Variants in PTPRD observed in about 807,000 individuals in gnomAD.
PTPRD encodes receptor-type tyrosine-protein phosphatase delta.
PTPRD carries 34 observed loss-of-function variants against 214.5 expected under a neutral mutation model. The observed-to-expected ratio is 0.16, with a 90% CI of 0.12 to 0.21. The LOEUF (loss-of-function observed/expected upper bound fraction) is 0.21. PTPRD is among the 10% of genes least tolerant of loss of function. The pLI, the probability that PTPRD is intolerant of heterozygous loss-of-function variation, is 1.00. For synonymous variants in PTPRD, 1,128 were observed against 845.7 expected (o/e 1.33, Z -5.79); for missense variants, 2,545 against 2,398.7 (o/e 1.06, Z -1.27).
At chr9:8,917,082 T>A (rs958652021) in intron 11 of PTPRD, among the ~76,000 whole-genome samples, 1 of 151,098 alleles carries the variant, frequency 6.6e-6, no homozygotes, top group Non-Finnish European at 1.5e-5. Context: ...CAATCCCCAT[T>A]GTATAGGCAA....
At chr9:9,166,367 C>T (rs1007054805) in intron 10 of PTPRD, among the ~76,000 whole-genome samples, 3 of 152,152 alleles carry the variant, frequency 2.0e-5, no homozygotes, top group Non-Finnish European at 2.9e-5. Context: ...ACTCCTTCCA[C>T]TCCATCCACA....
chr9:9,027,495 T>C (rs1348641), intron 10 of PTPRD, among the ~76,000 whole-genome samples: 17,273 of 151,978 alleles, frequency 0.11, 1,245 homozygotes, highest in African/African-American at 0.2. Flanking sequence ...GATTTTAGCA[T>C]CAATATTATT....
intron 36 of PTPRD, among the ~76,000 whole-genome samples, chr9:8,400,053 C>G (rs899302114): frequency 6.6e-6 from 1 of 152,058 alleles, no homozygotes; most frequent in Non-Finnish European, 1.5e-5. Flanking sequence ...AATTGAAAAG[C>G]AGAATTTTAA....
intron 5 of PTPRD, among the ~76,000 whole-genome samples, chr9:9,844,583 CAT>C (rs1319125739): frequency 6.6e-6 from 1 of 151,844 alleles, no homozygotes; most frequent in African/African-American, 2.4e-5. Flanking sequence ...ATTGATATGA[CAT>C]ATTAATTAGA....
intron 12 of PTPRD, among the ~76,000 whole-genome samples, chr9:8,704,471 T>C (rs1053016466): frequency 6.6e-6 from 1 of 152,102 alleles, no homozygotes; most frequent in Non-Finnish European, 1.5e-5. Context: ...AATCAGAAAA[T>C]CTGAGTTTGA....
chr9:10,390,484 T>C (rs2098036276), intron 2 of PTPRD, among the ~76,000 whole-genome samples: 1 of 151,864 alleles, frequency 6.6e-6, no homozygotes, highest in Non-Finnish European at 1.5e-5. Flanking sequence ...GGCTTATTTC[T>C]GCCCACGAGT....
At chr9:8,496,205 C>CAA (rs61362649) in intron 26 of PTPRD, among the ~76,000 whole-genome samples, 2,008 of 126,398 alleles carry the variant, frequency 0.016, 46 homozygotes, top group African/African-American at 0.051. Context: ...CACACACACA[C>CAA]ACACAAACAC....
At chr9:8,343,417 A>G (rs1854417077) in intron 39 of PTPRD, among the ~76,000 whole-genome samples, 1 of 152,220 alleles carries the variant, frequency 6.6e-6, no homozygotes, top group Middle Eastern at 3.4e-3. Context: ...AGAGAGTCCT[A>G]CAAATGATAG....
intron 12 of PTPRD, among the ~76,000 whole-genome samples, chr9:8,696,029 G>A (rs1295056794): frequency 2.6e-5 from 4 of 152,180 alleles, no homozygotes; most frequent in African/African-American, 9.7e-5. Context: ...AGAAACTCCA[G>A]TATGACACCT....
At chr9:9,822,396 C>A (rs2051087271) in intron 5 of PTPRD, among the ~76,000 whole-genome samples, 1 of 149,546 alleles carries the variant, frequency 6.7e-6, no homozygotes, top group African/African-American at 2.4e-5. Context: ...GGTGACAGAG[C>A]AGGACTCCAT....
At chr9:8,639,225 T>C (rs1265953792) in intron 12 of PTPRD, among the ~76,000 whole-genome samples, 2 of 152,130 alleles carry the variant, frequency 1.3e-5, no homozygotes, top group Non-Finnish European at 2.9e-5. Flanking sequence ...AAATGAAAAA[T>C]ATATTACAAG....
intron 7 of PTPRD, among the ~76,000 whole-genome samples, chr9:9,627,747 G>T (rs913752188): frequency 6.6e-6 from 1 of 152,164 alleles, no homozygotes; most frequent in South Asian, 2.1e-4. Flanking sequence ...TTTGAGATCA[G>T]TTCTTCCCCA....
At chr9:8,925,652 A>G (rs1218972012) in intron 11 of PTPRD, among the ~76,000 whole-genome samples, 1 of 147,142 alleles carries the variant, frequency 6.8e-6, no homozygotes, top group Non-Finnish European at 1.5e-5. Flanking sequence ...TCAACGTGAT[A>G]TAAATAGTCT....
Position 8,722,827 on chromosome 9 carries a change from G to C in PTPRD, c.64+10953C>G, listed in dbSNP as rs528301690. 2.6e-5 allele frequency among the ~76,000 whole-genome samples: 4 copies of C among 152,280 alleles called. No homozygotes were observed. In the South Asian group the frequency reaches 8.3e-4, roughly 32 times the overall value. ...TAAAAGAAAAATAAAACTGACCAGA[G>C]ATAACGAGCTAAAAGCAGACATTTG... On this transcript the variant is annotated intron_variant, in intron 12 of 45. Transcript: ENST00000381196.
At chr9:10,307,497 A>G (rs2096118810) in intron 3 of PTPRD, among the ~76,000 whole-genome samples, 1 of 152,040 alleles carries the variant, frequency 6.6e-6, no homozygotes. Flanking sequence ...TAGCTTTACT[A>G]TTGTAAATAG....
At chr9:10,558,543 G>A in intron 2 of PTPRD, among the ~76,000 whole-genome samples, 1 of 152,056 alleles carries the variant, frequency 6.6e-6, no homozygotes, top group East Asian at 1.9e-4. Context: ...ACTTAGCCAT[G>A]TGGCCTTGGG....
At chr9:9,174,252 G>C (rs1310901260) in intron 10 of PTPRD, among the ~76,000 whole-genome samples, 1 of 151,908 alleles carries the variant, frequency 6.6e-6, no homozygotes, top group African/African-American at 2.4e-5. Context: ...ACCATTTTTT[G>C]TATCTTTGTC....
chr9:9,823,882 C>T (rs2051691162), intron 5 of PTPRD, among the ~76,000 whole-genome samples: 1 of 151,890 alleles, frequency 6.6e-6, no homozygotes, highest in Admixed American at 6.6e-5. Flanking sequence ...ATGTTCCCAA[C>T]ACAAAGAAAC....
At chr9:10,571,011 C>T (rs1475380260) in intron 2 of PTPRD, among the ~76,000 whole-genome samples, 1 of 151,932 alleles carries the variant, frequency 6.6e-6, no homozygotes, top group African/African-American at 2.4e-5. Context: ...GAAGGTCATG[C>T]TGCTGGTTTT....
Sources: gnomAD v4.1 joint callset for allele counts (sites outside exome capture counted in the v4.1 genomes callset) on GRCh38, gnomAD v4.1.1 for gene constraint, MANE v1.5 for transcripts, NCBI Gene and HGNC (gene_info 2026-07-23, HGNC 2026-07-21) for gene names.